The following MTHFS variants were observed in gnomAD, a reference collection of about 807,000 sequenced individuals.
The protein encoded by MTHFS is methenyltetrahydrofolate synthetase.
A neutral mutation model predicts 12.7 loss-of-function variants in MTHFS; 7 were observed. The observed-to-expected ratio is 0.55, with a 90% CI of 0.31 to 1.03. MTHFS has a LOEUF of 1.03. Ranked by LOEUF, MTHFS falls within the 50% of genes least tolerant of loss-of-function variation. MTHFS has a pLI of 0.05. For synonymous variants in MTHFS, 100 were observed against 97.1 expected (o/e 1.03, Z -0.18); for missense variants, 252 against 258.1 (o/e 0.98, Z 0.16).
At chr15:79,889,571 C>G (rs1279468310) in intron 1 of MTHFS, among the ~76,000 whole-genome samples, 2 of 152,066 alleles carry the variant, frequency 1.3e-5, no homozygotes, top group Non-Finnish European at 2.9e-5. Context: ...TCCTTTTATC[C>G]CTTCCTGGTA....
intron 2 of MTHFS, among the ~76,000 whole-genome samples, chr15:79,886,679 T>C (rs2034388283): frequency 6.6e-6 from 1 of 152,214 alleles, no homozygotes; most frequent in Non-Finnish European, 1.5e-5. Flanking sequence ...ATTTGACATA[T>C]AATACAGGTT....
intron 2 of MTHFS, among the ~76,000 whole-genome samples, chr15:79,856,745 G>T (rs1458884673): frequency 6.6e-6 from 1 of 152,000 alleles, no homozygotes; most frequent in Non-Finnish European, 1.5e-5. Context: ...GGTTAAGATG[G>T]TAAATTTTGT....
chr15:79,893,141 A>G (rs1276273359), intron 1 of MTHFS, among the ~76,000 whole-genome samples: 1 of 152,080 alleles, frequency 6.6e-6, no homozygotes, highest in East Asian at 1.9e-4. Flanking sequence ...GTGGTGGCTC[A>G]TGCCTGTAAT....
rs143239540 is a variant in MTHFS, at chr15:79,845,971, C to T, written c.380-529G>A. Reference sequence around the variant, plus strand: ...CCATTGGAGAGGCAAGGCCAGGCTGCCGGGCTTCCCCAGACTCGTGTGAGA... The same window carrying T: ...CCATTGGAGAGGCAAGGCCAGGCTGTCGGGCTTCCCCAGACTCGTGTGAGA... On this transcript the variant is annotated intron_variant, in intron 2 of 2. Coordinates refer to ENST00000258874, the MANE Select transcript of MTHFS (RefSeq NM_006441.4). Among the ~76,000 whole-genome samples, 883 of 152,312 alleles carry T rather than the reference C, an allele frequency of 5.8e-3. 12 individuals are homozygous for T. The highest frequency in any genetic ancestry group is 0.02 in the African/African-American group (837 of 41,550).
chr15:79,889,493 A>G (rs2034437378), intron 1 of MTHFS, 139 bp from the exon 2 acceptor site: 3 of 1,306,160 alleles, frequency 2.3e-6, no homozygotes, highest in Admixed American at 2.8e-5. Flanking sequence ...GACCAGAGTG[A>G]TATAGTGGGT....
rs567373973 is a variant in MTHFS, at chr15:79,889,476, G to C, written c.118-122C>G. The stretch of plus-strand genomic sequence containing the variant: ...TTAAATATTAAAAAGAAAAAAAAAG[G>C]GGGGGGGACCAGAGTGATATAGTGG... On this transcript the variant is annotated intron_variant, in intron 1 of 2. Coordinates refer to ENST00000258874, the MANE Select transcript of MTHFS (RefSeq NM_006441.4). The C allele has an allele frequency of 9.4e-5, 130 of 1,376,738 alleles. 1 individual carries two copies. Among genetic ancestry groups the C allele is most frequent in the Middle Eastern group, 5.3e-4 (2 of 3,770 alleles). 85.3% of individuals were successfully genotyped at this position (1,376,738 alleles called of 1,614,324 possible).
At chr15:79,889,435 G>T in intron 1 of MTHFS, 81 bp from the exon 2 acceptor site, 2 of 1,052,616 alleles carry the variant, frequency 1.9e-6, no homozygotes, top group Non-Finnish European at 1.3e-6. Flanking sequence ...TTCTCTCTCA[G>T]CCTTCTCCAA....
intron 2 of MTHFS, 63 bp from the exon 3 acceptor site, chr15:79,845,505 G>GT: frequency 6.4e-7 from 1 of 1,554,870 alleles, no homozygotes; most frequent in East Asian, 2.3e-5. Flanking sequence ...TTCAGGATGT[G>GT]TTTTTTGTTT....
chr15:79,845,305 A>G lies in MTHFS; in HGVS notation c.517T>C (p.Leu173=), dbSNP rs199647931. Reference sequence around the variant, plus strand: ...AGGCAAATCTGTTCTTTGAAAGCCAACGCCAGGGTGTAGGGCTTCACTTCC... The same window carrying G: ...AGGCAAATCTGTTCTTTGAAAGCCAGCGCCAGGGTGTAGGGCTTCACTTCC... The part of the protein sequence containing the change: ...HQEVKPYTLA[L]AFKEQICLQV... The change falls in exon 3 of 3, where the codon TTG becomes CTG. Residue 173 remains leucine (L), a synonymous_variant. Transcript: ENST00000258874. 7 of 1,614,108 alleles carry G rather than the reference A, an allele frequency of 4.3e-6. No individual in the cohort carries two copies. In the East Asian group the frequency reaches 1.6e-4, roughly 36 times the overall value.
chr15:79,874,201 A>G (rs910954489), intron 2 of MTHFS, among the ~76,000 whole-genome samples: 1 of 152,214 alleles, frequency 6.6e-6, no homozygotes, highest in Non-Finnish European at 1.5e-5. Flanking sequence ...GAACATTGGG[A>G]AAAATGGTCA....
chr15:79,852,221 CA>C (rs1474690203), intron 2 of MTHFS, among the ~76,000 whole-genome samples: 1 of 152,158 alleles, frequency 6.6e-6, no homozygotes, highest in Non-Finnish European at 1.5e-5. Context: ...GTTTTGAACT[CA>C]TTATGATTGC....
chr15:79,880,855 A>G (rs1245341052), intron 2 of MTHFS, among the ~76,000 whole-genome samples: 2 of 152,126 alleles, frequency 1.3e-5, no homozygotes, highest in Admixed American at 6.5e-5. Context: ...AGCAAATCCA[A>G]TGACAAAAGG....
intron 2 of MTHFS, among the ~76,000 whole-genome samples, chr15:79,878,603 C>G (rs564637885): frequency 2.7e-5 from 4 of 150,402 alleles, no homozygotes; most frequent in African/African-American, 9.8e-5. Flanking sequence ...GCTTTATGAC[C>G]ATCACTCCAC....
chr15:79,858,626 T>G (rs1251060718), intron 2 of MTHFS, among the ~76,000 whole-genome samples: 1 of 152,166 alleles, frequency 6.6e-6, no homozygotes, highest in Non-Finnish European at 1.5e-5. Context: ...ATTGGGAGAC[T>G]GAAGACAAAT....
intron 2 of MTHFS, among the ~76,000 whole-genome samples, chr15:79,864,547 C>CAAAAAAAAAAAAAAAA (rs58698908): frequency 2.3e-4 from 15 of 64,514 alleles, no homozygotes; most frequent in African/African-American, 9.0e-4. Context: ...TCCATCTCAA[C>CAAAAAAAAAAAAAAAA]AAAAAAAAAA....
intron 2 of MTHFS, among the ~76,000 whole-genome samples, chr15:79,846,401 G>A (rs982499106): frequency 1.3e-5 from 2 of 152,166 alleles, no homozygotes; most frequent in Non-Finnish European, 2.9e-5. Context: ...CTTAGTTGTG[G>A]AATAACCATT....
At chr15:79,878,110 C>T (rs1419144842) in intron 2 of MTHFS, 1 of 152,090 alleles carries the variant, frequency 6.6e-6, no homozygotes, top group Non-Finnish European at 1.5e-5. Context: ...ACACAAAAGA[C>T]TGGTTTTTTC....
chr15:79,851,359 G>A (rs759238210), intron 2 of MTHFS, among the ~76,000 whole-genome samples: 13 of 151,862 alleles, frequency 8.6e-5, no homozygotes, highest in East Asian at 1.9e-4. Context: ...TCTGTTTACC[G>A]TGAAAAAAAG....
At chr15:79,867,372 C>CA (rs779988449) in intron 2 of MTHFS, among the ~76,000 whole-genome samples, 3,693 of 105,210 alleles carry the variant, frequency 0.035, 112 homozygotes, top group African/African-American at 0.098. Context: ...GATTACGTAG[C>CA]AAAAAAAAAA....
Sources: gnomAD v4.1 joint callset for allele counts (sites outside exome capture counted in the v4.1 genomes callset) on GRCh38, gnomAD v4.1.1 for gene constraint, MANE v1.5 for transcripts, NCBI Gene and HGNC (gene_info 2026-07-23, HGNC 2026-07-21) for gene names.